TRHDE: variants seen among roughly 807,000 people sequenced by gnomAD.
TRHDE encodes thyrotropin releasing hormone degrading enzyme.
Under a neutral mutation model 125.7 loss-of-function variants are expected in TRHDE, and 72 were observed. That is an observed-to-expected ratio of 0.57 (90% CI 0.47 to 0.70). The LOEUF (loss-of-function observed/expected upper bound fraction) is 0.70, where lower values mean the gene tolerates loss of function less well. Ranked by LOEUF, TRHDE falls within the 30% of genes least tolerant of loss-of-function variation. TRHDE has a pLI of 0.00. For missense variants in TRHDE, 1,110 were observed against 1,327.1 expected, an observed-to-expected ratio of 0.84 and a Z score of 2.54; for synonymous variants, 509 against 509.1, an observed-to-expected ratio of 1.00 and a Z score of 0.00.
At chr12:72,454,483 T>A (rs1875741855) in intron 3 of TRHDE, among the ~76,000 whole-genome samples, 2 of 152,236 alleles carry the variant, frequency 1.3e-5, no homozygotes, top group African/African-American at 4.8e-5. Flanking sequence ...CATTAATCCC[T>A]GTTCATGGAC....
intron 3 of TRHDE, among the ~76,000 whole-genome samples, chr12:72,453,634 G>A (rs559703287): frequency 3.6e-4 from 55 of 152,284 alleles, no homozygotes; most frequent in African/African-American, 1.3e-3. Context: ...TGAGGAAAAG[G>A]CCTTGAAAGT....
At chr12:72,606,869 T>G (rs2136065010) in intron 12 of TRHDE, among the ~76,000 whole-genome samples, 1 of 152,270 alleles carries the variant, frequency 6.6e-6, no homozygotes, top group Non-Finnish European at 1.5e-5. Flanking sequence ...CACTTCAAAT[T>G]AATTTATTTA....
chr12:72,548,012 C>T (rs1392971044), intron 7 of TRHDE, among the ~76,000 whole-genome samples: 2 of 151,724 alleles, frequency 1.3e-5, no homozygotes, highest in African/African-American at 4.8e-5. Flanking sequence ...GGTTTCATGC[C>T]TATTTAATAT....
intron 10 of TRHDE, among the ~76,000 whole-genome samples, chr12:72,571,956 C>T (rs956347404): frequency 7.4e-6 from 1 of 134,500 alleles, no homozygotes; most frequent in African/African-American, 2.6e-5. Flanking sequence ...TGCTTCCTAC[C>T]GTTCCCCTGA....
At chr12:72,383,486 C>T (rs1175340650) in intron 3 of TRHDE, among the ~76,000 whole-genome samples, 4 of 148,890 alleles carry the variant, frequency 2.7e-5, no homozygotes, top group African/African-American at 7.5e-5. Flanking sequence ...AGCTGATTCT[C>T]CTGCCTCAGC....
intron 2 of TRHDE, among the ~76,000 whole-genome samples, chr12:72,186,879 A>G (rs1420466362): frequency 2.6e-5 from 4 of 151,876 alleles, no homozygotes; most frequent in African/African-American, 7.3e-5. Flanking sequence ...TAGATTTTTA[A>G]GTCTCCTGGC....
intron 2 of TRHDE, among the ~76,000 whole-genome samples, chr12:72,146,268 C>G (rs1053415272): frequency 1.3e-5 from 2 of 152,170 alleles, no homozygotes; most frequent in Non-Finnish European, 2.9e-5. Context: ...GTCCGTGTTT[C>G]CTCACTCTTA....
intron 12 of TRHDE, among the ~76,000 whole-genome samples, chr12:72,592,397 T>TA (rs35175136): frequency 0.27 from 40,389 of 152,108 alleles, 8,153 homozygotes; most frequent in African/African-American, 0.54. Context: ...AGGACAGTTA[T>TA]AAAGCCATTT....
intron 15 of TRHDE, among the ~76,000 whole-genome samples, chr12:72,650,387 T>A (rs1370312726): frequency 6.6e-6 from 1 of 152,146 alleles, no homozygotes; most frequent in African/African-American, 2.4e-5. Flanking sequence ...TACTGGTAAC[T>A]GTCATATATG....
chr12:72,156,053 C>T (rs1240965737), intron 2 of TRHDE, among the ~76,000 whole-genome samples: 5 of 152,218 alleles, frequency 3.3e-5, no homozygotes, highest in Middle Eastern at 3.2e-3. Flanking sequence ...CCAGTTCGAG[C>T]TTCCAGGCTG....
At chr12:72,199,029 A>G (rs924101837) in intron 2 of TRHDE, among the ~76,000 whole-genome samples, 1 of 152,090 alleles carries the variant, frequency 6.6e-6, no homozygotes, top group Admixed American at 6.5e-5. Context: ...CACACTCACT[A>G]TCATGAGAAT....
intron 18 of TRHDE, among the ~76,000 whole-genome samples, chr12:72,658,819 C>T (rs1874805820): frequency 6.6e-6 from 1 of 152,162 alleles, no homozygotes; most frequent in Non-Finnish European, 1.5e-5. Context: ...AGGAATGAAT[C>T]TCTTCACTCT....
In TRHDE at chr12:72,518,604, C is replaced by G. The variant is rs572137103; in HGVS notation, c.1722+18969C>G. The stretch of plus-strand genomic sequence containing the variant: ...TGGGTCTTGACTCTTTATCCAATTT[C>G]CCAGTCTGTGTCTTTTAATTGGAGC... On this transcript the variant is annotated intron_variant, in intron 6 of 18. Transcript: ENST00000261180. Among the ~76,000 whole-genome samples the G allele has an allele frequency of 2.0e-3, 308 of 151,982 alleles. 1 individual carries two copies. Among genetic ancestry groups the G allele is most frequent in the African/African-American group, 6.2e-3 (255 of 41,432 alleles).
At chr12:72,295,850 G>A (rs1345145332) in intron 2 of TRHDE, among the ~76,000 whole-genome samples, 2 of 151,902 alleles carry the variant, frequency 1.3e-5, no homozygotes, top group African/African-American at 2.4e-5. Flanking sequence ...ATTCCAATAA[G>A]ATTGCGTTAC....
At chr12:72,347,243 A>C (rs1198630276) in intron 2 of TRHDE, among the ~76,000 whole-genome samples, 1 of 152,126 alleles carries the variant, frequency 6.6e-6, no homozygotes, top group Admixed American at 6.6e-5. Flanking sequence ...AGAAGCAAGA[A>C]GACAAGTCTA....
intron 3 of TRHDE, among the ~76,000 whole-genome samples, chr12:72,449,386 G>A (rs1875460825): frequency 6.6e-6 from 1 of 151,926 alleles, no homozygotes. Flanking sequence ...TGTTTATTTA[G>A]TATTTACCTA....
At chr12:72,435,640 A>ATTTTTTT (rs1246330658) in intron 3 of TRHDE, among the ~76,000 whole-genome samples, 1 of 139,070 alleles carries the variant, frequency 7.2e-6, no homozygotes. Flanking sequence ...CCAGGCTGGG[A>ATTTTTTT]TTTTTTTTTT....
chr12:72,644,365 G>T (rs530030865), intron 15 of TRHDE, among the ~76,000 whole-genome samples: 1 of 152,198 alleles, frequency 6.6e-6, no homozygotes, highest in African/African-American at 2.4e-5. Flanking sequence ...TGTCTTGCCT[G>T]CCTTGGAACT....
chr12:72,637,192 G>T lies in TRHDE; in HGVS notation c.2676-15130G>T, dbSNP rs199528364. On this transcript the variant is annotated intron_variant, in intron 15 of 18. Transcript: ENST00000261180. ...GCCACAATTTCAGATCCTGTTATTG[G>T]TCTATTCAGAGATTCAACTTCTTCC... 4.0e-4 allele frequency among the ~76,000 whole-genome samples: 61 copies of T among 152,234 alleles called. No individual in the cohort carries two copies. The East Asian group carries it at 0.011, about 28-fold the overall frequency.
Sources: gnomAD v4.1 joint callset for allele counts (sites outside exome capture counted in the v4.1 genomes callset) on GRCh38, gnomAD v4.1.1 for gene constraint, MANE v1.5 for transcripts, NCBI Gene and HGNC (gene_info 2026-07-23, HGNC 2026-07-21) for gene names.